ETNK1: variants seen among roughly 807,000 people sequenced by gnomAD.
ETNK1 encodes the protein ethanolamine kinase 1.
In ETNK1, 8 loss-of-function variants were observed where a neutral mutation model predicts 45.1. The ratio of observed to expected loss-of-function variants is 0.18; its 90% CI spans 0.10 to 0.32. ETNK1 has a LOEUF of 0.32. ETNK1 is among the 10% of genes least tolerant of loss of function. The probability of loss-of-function intolerance (pLI) is 1.00; values close to 1 mark genes in which losing one functional copy is unlikely to be tolerated. For missense variants in ETNK1, 302 were observed against 430.6 expected, an observed-to-expected ratio of 0.70 and a Z score of 2.64; for synonymous variants, 152 against 151.9, an observed-to-expected ratio of 1.00 and a Z score of -0.01.
chr12:22,657,871 A>G (rs1176976658), intron 2 of ETNK1, among the ~76,000 whole-genome samples: 1 of 152,240 alleles, frequency 6.6e-6, no homozygotes, highest in Admixed American at 6.5e-5. Flanking sequence ...GTTACTAGGA[A>G]TGAGATAAAA....
At chr12:22,679,489 G>A (rs1266301340) in intron 6 of ETNK1, among the ~76,000 whole-genome samples, 2 of 152,082 alleles carry the variant, frequency 1.3e-5, no homozygotes, top group East Asian at 3.9e-4. Flanking sequence ...AGACTCAAAT[G>A]TCAGTCTCCT....
At position 22,690,306 on chromosome 12, in the gene ETNK1, A is replaced by G. The variant is rs1954293227; in HGVS notation, c.*5352A>G. On this transcript the variant is annotated 3_prime_UTR_variant, in exon 8 of 8. Coordinates refer to ENST00000266517, the MANE Select transcript of ETNK1 (RefSeq NM_018638.5). ...CTGAGAATTTGTTAATCTGTTTGAT[A>G]ATGAAGATACTTCCTGTTTTCTTGT... The G allele has an allele frequency of 6.6e-6, 1 of 152,510 alleles. No homozygotes were observed. Among genetic ancestry groups the G allele is most frequent in the South Asian group, 2.1e-4 (1 of 4,830 alleles). 9.4% of individuals were successfully genotyped at this position (152,510 alleles called of 1,614,324 possible). A position where few individuals can be genotyped will look rare whatever the true frequency, so the allele number is the denominator to read the frequency against.
At chr12:22,655,328 G>GTTT (rs10586779) in intron 2 of ETNK1, among the ~76,000 whole-genome samples, 17 of 122,762 alleles carry the variant, frequency 1.4e-4, no homozygotes, top group African/African-American at 3.6e-4. Flanking sequence ...GGGTTTGTTT[G>GTTT]TTTTTTTTTT....
At chr12:22,642,796 G>T (rs966548648) in intron 1 of ETNK1, among the ~76,000 whole-genome samples, 3 of 151,634 alleles carry the variant, frequency 2.0e-5, no homozygotes, top group Non-Finnish European at 4.4e-5. Flanking sequence ...TTCTTCCTTT[G>T]TTCCACTTGG....
At chr12:22,676,278 G>A (rs1045971874) in intron 6 of ETNK1, among the ~76,000 whole-genome samples, 134 of 152,256 alleles carry the variant, frequency 8.8e-4, no homozygotes, top group African/African-American at 3.2e-3. Flanking sequence ...TCTGTCCTGT[G>A]TTAGTTTGCT....
intron 2 of ETNK1, among the ~76,000 whole-genome samples, chr12:22,655,328 G>GTTTTTTTT (rs10586779): frequency 9.8e-5 from 12 of 122,766 alleles, no homozygotes; most frequent in African/African-American, 2.7e-4. Context: ...GGGTTTGTTT[G>GTTTTTTTT]TTTTTTTTTT....
rs1954264782 is a variant in ETNK1 at position 22,686,879 on chromosome 12, T to TTTTTTTTTG, written c.*1925_*1926insTTTTTTTTG. 7.1e-6 allele frequency: 1 copy of TTTTTTTTTG among 140,122 alleles called. No homozygotes were observed. Among genetic ancestry groups the TTTTTTTTTG allele is most frequent in the African/African-American group, 2.8e-5 (1 of 35,424 alleles). 8.7% of individuals were successfully genotyped at this position (140,122 alleles called of 1,614,324 possible). Reference sequence around the variant, plus strand: ...TTTTTTTTTTTTTTTTTTTTTTTTTTGCTTTCTGCCTTCTAAAGTGCAACA... The same window carrying TTTTTTTTTG: ...TTTTTTTTTTTTTTTTTTTTTTTTTTTTTTTTTTGGCTTTCTGCCTTCTAAAGTGCAACA... On this transcript the variant is annotated 3_prime_UTR_variant, in exon 8 of 8. Coordinates refer to ENST00000266517, the MANE Select transcript of ETNK1 (RefSeq NM_018638.5).
intron 4 of ETNK1, among the ~76,000 whole-genome samples, chr12:22,664,539 G>T (rs891241455): frequency 2.0e-5 from 3 of 151,992 alleles, no homozygotes; most frequent in African/African-American, 7.2e-5. Context: ...AATGTTATTG[G>T]AACTGGTAGA....
chr12:22,636,754 A>G (rs933614293), intron 1 of ETNK1, among the ~76,000 whole-genome samples: 1 of 152,230 alleles, frequency 6.6e-6, no homozygotes, highest in Non-Finnish European at 1.5e-5. Context: ...ACAGTATAAC[A>G]ACTATTTACA....
Position 22,684,903 on chromosome 12 carries a change from C to T in ETNK1, c.1041C>T (p.Asn347=), listed in dbSNP as rs1954246857. The stretch of plus-strand genomic sequence containing the variant: ...CTAGGTATGCAATTGTTCGTTTTAA[C>T]CAGTACTTTAAAATGAAGCCTGAGG... ...DFLGYAIVRF[N]QYFKMKPEVT... is the part of the protein sequence containing the mutation. The change falls in exon 8 of 8, where the codon AAC becomes AAT. Residue 347 remains asparagine, a synonymous_variant. Transcript: ENST00000266517. 1.2e-6 allele frequency: 2 copies of T among 1,606,594 alleles called. No individual in the cohort carries two copies. The highest frequency in any genetic ancestry group is 4.5e-5 in the East Asian group (2 of 44,652).
At chr12:22,681,489 A>G (rs1954215448) in intron 6 of ETNK1, among the ~76,000 whole-genome samples, 3 of 152,040 alleles carry the variant, frequency 2.0e-5, no homozygotes, top group African/African-American at 4.8e-5. Flanking sequence ...ATGCAAGGCA[A>G]TTTAGACTAG....
chr12:22,679,144 G>A (rs1337349197), intron 6 of ETNK1, among the ~76,000 whole-genome samples: 1 of 152,184 alleles, frequency 6.6e-6, no homozygotes, highest in African/African-American at 2.4e-5. Context: ...CCGTCTGCAC[G>A]CTGAGGAAGA....
intron 4 of ETNK1, among the ~76,000 whole-genome samples, chr12:22,662,169 G>C (rs1954007928): frequency 1.4e-5 from 2 of 144,954 alleles, no homozygotes; most frequent in Non-Finnish European, 3.0e-5. Flanking sequence ...CCAAGTTCAA[G>C]TGATTCTCCT....
intron 1 of ETNK1, among the ~76,000 whole-genome samples, chr12:22,633,321 G>A: frequency 6.6e-6 from 1 of 151,950 alleles, no homozygotes; most frequent in East Asian, 1.9e-4. Context: ...CACCTGCCTT[G>A]GCCTCCCAAA....
intron 2 of ETNK1, among the ~76,000 whole-genome samples, chr12:22,646,423 T>A (rs1417853437): frequency 1.3e-5 from 2 of 151,748 alleles, no homozygotes; most frequent in Non-Finnish European, 3.0e-5. Context: ...AGATGTAAAT[T>A]TGGGATGATG....
At chr12:22,658,624 C>G (rs1204382741) in intron 2 of ETNK1, among the ~76,000 whole-genome samples, 1 of 152,104 alleles carries the variant, frequency 6.6e-6, no homozygotes, top group African/African-American at 2.4e-5. Flanking sequence ...AGACTGGGCC[C>G]AACTCCAAAT....
At chr12:22,676,242 G>C (rs1038249032) in intron 6 of ETNK1, among the ~76,000 whole-genome samples, 1 of 152,120 alleles carries the variant, frequency 6.6e-6, no homozygotes, top group African/African-American at 2.4e-5. Flanking sequence ...TCCCACTTAT[G>C]AGTGAGAAAA....
At chr12:22,683,251 T>G (rs1296803991) in intron 6 of ETNK1, among the ~76,000 whole-genome samples, 1 of 152,072 alleles carries the variant, frequency 6.6e-6, no homozygotes, top group African/African-American at 2.4e-5. Flanking sequence ...AAAGAAATTA[T>G]ATTCCTGTTC....
At chr12:22,649,865 G>C (rs540559439) in intron 2 of ETNK1, among the ~76,000 whole-genome samples, 1 of 152,118 alleles carries the variant, frequency 6.6e-6, no homozygotes, top group African/African-American at 2.4e-5. Context: ...ATTTTGATAG[G>C]AATTGCACTG....
Sources: gnomAD v4.1 joint callset for allele counts (sites outside exome capture counted in the v4.1 genomes callset) on GRCh38, gnomAD v4.1.1 for gene constraint, MANE v1.5 for transcripts, NCBI Gene and HGNC (gene_info 2026-07-23, HGNC 2026-07-21) for gene names.